Variants in PPP1CB observed in about 807,000 individuals in gnomAD.
PPP1CB encodes serine/threonine-protein phosphatase PP1-beta catalytic subunit.
Under a neutral mutation model 43.7 loss-of-function variants are expected in PPP1CB, and 2 were observed. That is an observed-to-expected ratio of 0.05 (90% CI 0.02 to 0.14). PPP1CB has a LOEUF of 0.14. PPP1CB is among the 10% of genes least tolerant of loss of function. PPP1CB has a pLI of 1.00. For synonymous variants in PPP1CB, 136 were observed against 135.6 expected, an observed-to-expected ratio of 1.00 and a Z score of -0.02; for missense variants, 84 against 398.0, an observed-to-expected ratio of 0.21 and a Z score of 6.71.
At chr2:28,775,680 T>G (rs1667023292) in intron 1 of PPP1CB, among the ~76,000 whole-genome samples, 1 of 152,158 alleles carries the variant, frequency 6.6e-6, no homozygotes, top group Admixed American at 6.5e-5. Flanking sequence ...CCCAGCCTAT[T>G]TTCTTTTCTT....
intron 3 of PPP1CB, among the ~76,000 whole-genome samples, chr2:28,781,345 G>A (rs549681385): frequency 2.6e-5 from 4 of 152,136 alleles, no homozygotes; most frequent in Admixed American, 2.0e-4. Flanking sequence ...AGCATTTTGG[G>A]AGAAAACAAC....
At chr2:28,771,242 C>T (rs540278523) in intron 1 of PPP1CB, among the ~76,000 whole-genome samples, 7 of 151,876 alleles carry the variant, frequency 4.6e-5, no homozygotes, top group African/African-American at 1.7e-4. Context: ...TTAGTAGAGG[C>T]GGAGTTTCAC....
chr2:28,795,571 AT>A (rs1334555693), intron 7 of PPP1CB, among the ~76,000 whole-genome samples: 1 of 151,970 alleles, frequency 6.6e-6, no homozygotes, highest in African/African-American at 2.4e-5. Flanking sequence ...GATGATGAGC[AT>A]TTTTTCATAT....
chr2:28,797,144 C>G (rs1260480101), intron 7 of PPP1CB, among the ~76,000 whole-genome samples: 16 of 152,056 alleles, frequency 1.1e-4, no homozygotes, highest in Admixed American at 5.2e-4. Context: ...GGTGAGTTAA[C>G]TTTTTGATGT....
At chr2:28,774,275 T>TC (rs1479723571) in intron 1 of PPP1CB, among the ~76,000 whole-genome samples, 4 of 152,334 alleles carry the variant, frequency 2.6e-5, no homozygotes, top group African/African-American at 7.2e-5. Context: ...TTTGATAATG[T>TC]ACTGTTCTTC....
chr2:28,772,421 T>A (rs1666934723), intron 1 of PPP1CB, among the ~76,000 whole-genome samples: 1 of 152,198 alleles, frequency 6.6e-6, no homozygotes, highest in Non-Finnish European at 1.5e-5. Flanking sequence ...ATTTGCAGTA[T>A]CAGTAAAGAT....
chr2:28,753,537 A>G (rs4665434), intron 1 of PPP1CB, among the ~76,000 whole-genome samples: 79,360 of 151,934 alleles, frequency 0.52, 21,767 homozygotes, highest in South Asian at 0.62. Context: ...TATTCCTGGG[A>G]GGCCCCCTGG....
At chr2:28,783,851 G>A (rs1667208007) in intron 4 of PPP1CB, 56 bp from the exon 5 acceptor site, 3 of 1,209,788 alleles carry the variant, frequency 2.5e-6, no homozygotes, top group Non-Finnish European at 2.4e-6. Flanking sequence ...TTCGGTGACT[G>A]TTAAAATATT....
At chr2:28,753,900 A>T (rs1043485561) in intron 1 of PPP1CB, among the ~76,000 whole-genome samples, 6 of 151,812 alleles carry the variant, frequency 4.0e-5, no homozygotes, top group African/African-American at 1.5e-4. Flanking sequence ...ATGCCCGGCT[A>T]ATTTTTTTTG....
chr2:28,753,002 A>G (rs1019544923), intron 1 of PPP1CB, among the ~76,000 whole-genome samples: 1 of 152,216 alleles, frequency 6.6e-6, no homozygotes, highest in Non-Finnish European at 1.5e-5. Context: ...AAGTGTTCTT[A>G]TTGAATAGTT....
At position 28,751,861 on chromosome 2, in the gene PPP1CB, T is replaced by C. The variant is rs541774466; in HGVS notation, c.-264T>C. ...CTGGGCGGTGCCGAGGAGGAGGAGG[T>C]GGCGGCCTGGGTCTGACGCGGCCCT... On this transcript the variant is annotated 5_prime_UTR_variant, in exon 1 of 8. Coordinates refer to ENST00000395366, the MANE Select transcript of PPP1CB (RefSeq NM_002709.3). 20 of 531,020 alleles carry C rather than the reference T, an allele frequency of 3.8e-5. 1 individual carries two copies. The highest frequency in any genetic ancestry group is 2.5e-4 in the South Asian group (13 of 52,192). The allele number at this position is 531,020 out of a possible 1,614,324, so 32.9% of individuals were successfully genotyped here.
chr2:28,774,031 T>G (rs1469869199), intron 1 of PPP1CB, among the ~76,000 whole-genome samples: 1 of 152,222 alleles, frequency 6.6e-6, no homozygotes, highest in Admixed American at 6.5e-5. Flanking sequence ...AAAGTTTCTG[T>G]GCAGTGTGTT....
intron 1 of PPP1CB, among the ~76,000 whole-genome samples, chr2:28,758,674 G>A (rs1666546387): frequency 1.3e-5 from 2 of 152,194 alleles, no homozygotes; most frequent in African/African-American, 2.4e-5. Flanking sequence ...AGGAAAAAGG[G>A]CGGGGGCAGT....
chr2:28,765,255 C>A (rs1336431778), intron 1 of PPP1CB, among the ~76,000 whole-genome samples: 1 of 152,158 alleles, frequency 6.6e-6, no homozygotes, highest in Non-Finnish European at 1.5e-5. Context: ...TCTCTGTCAT[C>A]AAAACTGATT....
intron 5 of PPP1CB, among the ~76,000 whole-genome samples, chr2:28,785,598 G>C (rs1667250003): frequency 6.6e-6 from 1 of 151,952 alleles, no homozygotes; most frequent in African/African-American, 2.4e-5. Flanking sequence ...GATCACTTGA[G>C]GTGAGGAGTC....
intron 1 of PPP1CB, among the ~76,000 whole-genome samples, chr2:28,765,477 A>G (rs1666760844): frequency 6.6e-6 from 1 of 152,230 alleles, no homozygotes; most frequent in Non-Finnish European, 1.5e-5. Flanking sequence ...GCACAGTTAA[A>G]TGGATTTTGA....
rs773138610 is a variant in PPP1CB, at chr2:28,751,852, A to G, written c.-273A>G. 3 of 514,542 alleles carry G rather than the reference A, an allele frequency of 5.8e-6. No homozygotes were observed. Among genetic ancestry groups the G allele is most frequent in the Middle Eastern group, 9.3e-4 (2 of 2,162 alleles). The allele number at this position is 514,542 out of a possible 1,614,324, so 31.9% of individuals were successfully genotyped here. ...TTTGCGGAGCTGGGCGGTGCCGAGG[A>G]GGAGGAGGTGGCGGCCTGGGTCTGA... On this transcript the variant is annotated 5_prime_UTR_variant, in exon 1 of 8. Coordinates refer to ENST00000395366, the MANE Select transcript of PPP1CB (RefSeq NM_002709.3).
intron 7 of PPP1CB, among the ~76,000 whole-genome samples, chr2:28,797,115 A>G (rs1667511486): frequency 1.3e-5 from 2 of 152,164 alleles, no homozygotes; most frequent in Non-Finnish European, 1.5e-5. Flanking sequence ...CACCCCAGGA[A>G]TAAACCCTTC....
rs758093612 is a variant in PPP1CB, at chr2:28,776,975, A to G, written c.177A>G (p.Lys59=). The G allele has an allele frequency of 1.9e-5, 31 of 1,613,202 alleles. No individual in the cohort carries two copies. The highest frequency in any genetic ancestry group is 2.5e-5 in the Non-Finnish European group (30 of 1,179,456). ...TTTTGGAATTGGAAGCACCGCTGAA[A>G]ATTTGTGGTATGTAAATGGGTAAAG... The part of the protein sequence containing the change: ...PILLELEAPL[K]ICGDIHGQYT... Residue 59 remains lysine, a synonymous_variant, in exon 2 of 8, where the codon AAA becomes AAG. Coordinates refer to ENST00000395366, the MANE Select transcript of PPP1CB (RefSeq NM_002709.3).
Sources: allele counts gnomAD v4.1 joint callset (sites outside exome capture counted in the v4.1 genomes callset), GRCh38; gene constraint gnomAD v4.1.1; transcripts MANE v1.5; gene names NCBI Gene and HGNC (gene_info 2026-07-23, HGNC 2026-07-21).